Variants in DAAM2 observed in about 807,000 individuals in gnomAD.
The protein encoded by DAAM2 is disheveled-associated activator of morphogenesis 2.
A neutral mutation model predicts 120.7 loss-of-function variants in DAAM2; 39 were observed. That is an observed-to-expected ratio of 0.32 (90% confidence interval 0.25 to 0.42). The LOEUF (loss-of-function observed/expected upper bound fraction) is 0.42, where lower values mean the gene tolerates loss of function less well. DAAM2 is among the 10% of genes least tolerant of loss of function. The probability of loss-of-function intolerance (pLI) is 1.00; values close to 1 mark genes in which losing one functional copy is unlikely to be tolerated. For missense variants in DAAM2, 1,283 were observed against 1,401.7 expected, an observed-to-expected ratio of 0.92 and a Z score of 1.35; for synonymous variants, 488 against 524.9, an observed-to-expected ratio of 0.93 and a Z score of 0.96.
intron 1 of DAAM2, among the ~76,000 whole-genome samples, chr6:39,810,910 C>T (rs1456711455): frequency 3.3e-5 from 5 of 152,144 alleles, no homozygotes; most frequent in East Asian, 1.9e-4. Context: ...TTCTTTATTA[C>T]ACCCTAAGGG....
chr6:39,889,668 T>C (rs952816876), intron 17 of DAAM2, among the ~76,000 whole-genome samples: 2 of 152,314 alleles, frequency 1.3e-5, no homozygotes, highest in Non-Finnish European at 1.5e-5. Flanking sequence ...AATCCACATA[T>C]AACTTTTGAC....
intron 14 of DAAM2, chr6:39,879,956 G>A: frequency 4.4e-6 from 1 of 228,466 alleles, no homozygotes; most frequent in Non-Finnish European, 8.7e-6. Flanking sequence ...CTCATGTCTG[G>A]ACCAGCAGTG....
intron 5 of DAAM2, 81 bp downstream of exon 5, chr6:39,865,155 C>A: frequency 1.2e-6 from 1 of 828,768 alleles, no homozygotes. Context: ...CTGTGCAGTG[C>A]TCTGCTCCCA....
At position 39,876,726 on chromosome 6, in the gene DAAM2, TGTGC is replaced by T. The variant is rs1170074071; in HGVS notation, c.1301+1262_1301+1265del. 3.7e-3 allele frequency among the ~76,000 whole-genome samples: 557 copies of T among 149,042 alleles called. 3 individuals carry two copies. Among genetic ancestry groups the T allele is most frequent in the African/African-American group, 0.013 (531 of 40,356 alleles). On this transcript the variant is annotated intron_variant, in intron 11 of 24. Coordinates refer to ENST00000274867, the MANE Select transcript of DAAM2 (RefSeq NM_001201427.2). ...GGAAGGGTGTGTGTGTGTGTGTGTG[TGTGC>T]GTGTGTGTATGTGCATATGTGTGCA...
In DAAM2 at chr6:39,897,194, T is replaced by C; in HGVS notation, c.2530T>C (p.Tyr844His). The C allele has an allele frequency of 6.2e-7, 1 of 1,613,156 alleles. No homozygotes were observed. The highest frequency in any genetic ancestry group is 8.5e-7 in the Non-Finnish European group (1 of 1,179,180). Reference sequence around the variant, plus strand: ...CCACAGAAACATCTCTCTGCTCCATTACCTGATCATGATCCTGGAGAAGCA... The same window carrying C: ...CCACAGAAACATCTCTCTGCTCCATCACCTGATCATGATCCTGGAGAAGCA... ...SIDRNISLLHYLIMILEKHFP... is the reference protein window; with the variant it reads ...SIDRNISLLHHLIMILEKHFP... The change falls in exon 21 of 25, where the codon TAC becomes CAC. Residue 844 changes from tyrosine to histidine, a missense_variant. Tyr to His is a moderately conservative substitution (Grantham distance 83, BLOSUM62 2). Transcript: ENST00000274867.
chr6:39,853,539 C>T (rs1763890651), intron 1 of DAAM2, among the ~76,000 whole-genome samples: 1 of 152,186 alleles, frequency 6.6e-6, no homozygotes, highest in South Asian at 2.1e-4. Context: ...AGGTATGGCA[C>T]AGGCCCTGGC....
chr6:39,900,126 T>C lies in DAAM2; in HGVS notation c.2729T>C (p.Val910Ala). 1 of 1,601,792 alleles carries C rather than the reference T, an allele frequency of 6.2e-7. No homozygotes were observed. The highest frequency in any genetic ancestry group is 1.3e-5 in the African/African-American group (1 of 74,580). Reference sequence around the variant, plus strand: ...GTACGGGAGCCCAGTGACAAGTTTGTCCCTGTCATGAGCGACTTCATCACG... The same window carrying C: ...GTACGGGAGCCCAGTGACAAGTTTGCCCCTGTCATGAGCGACTTCATCACG... ...RQVREPSDKF[V>A]PVMSDFITVS... is the part of the protein sequence containing the mutation. Residue 910 changes from valine (V) to alanine (A), a missense_variant, in exon 23 of 25, where the codon GTC (valine) becomes GCC (alanine). Physicochemically the swap from Val to Ala is moderately conservative, Grantham distance 64. Transcript: ENST00000274867.
At position 39,902,028 on chromosome 6, in the gene DAAM2, A is replaced by G; in HGVS notation, c.3198A>G (p.Leu1066=). Reference sequence around the variant, plus strand: ...CCCGGGAGCGGGCAATAAACCGGCTAAATTATTGACCTGGGGAACTAGCCA... The same window carrying G: ...CCCGGGAGCGGGCAATAAACCGGCTGAATTATTGACCTGGGGAACTAGCCA... The part of the protein sequence containing the change: ...EVTRERAINR[L]NY Residue 1066 remains leucine, a synonymous_variant, in exon 25 of 25, where the codon CTA becomes CTG. Transcript: ENST00000274867. 1.2e-6 allele frequency: 2 copies of G among 1,605,070 alleles called. No individual in the cohort carries two copies. Among genetic ancestry groups the G allele is most frequent in the South Asian group, 2.2e-5 (2 of 90,028 alleles).
chr6:39,850,201 C>T (rs1763754600), intron 1 of DAAM2, among the ~76,000 whole-genome samples: 1 of 152,212 alleles, frequency 6.6e-6, no homozygotes, highest in Non-Finnish European at 1.5e-5. Context: ...TCTGGGCTCA[C>T]ACATGCTGTG....
intron 1 of DAAM2, among the ~76,000 whole-genome samples, chr6:39,803,963 G>C (rs889356600): frequency 6.6e-6 from 1 of 152,176 alleles, no homozygotes; most frequent in Non-Finnish European, 1.5e-5. Flanking sequence ...GGACACTGGA[G>C]GGAATAGTCA....
intron 19 of DAAM2, 63 bp downstream of exon 19, chr6:39,891,785 G>T: frequency 7.3e-7 from 1 of 1,377,358 alleles, no homozygotes; most frequent in South Asian, 1.3e-5. Flanking sequence ...AGGGTGGGTG[G>T]GAGCCAGTGA....
chr6:39,871,420 T>TG lies in DAAM2; in HGVS notation c.978-80dup, dbSNP rs377019325. On this transcript the variant is annotated intron_variant, in intron 8 of 24. Coordinates refer to ENST00000274867, the MANE Select transcript of DAAM2 (RefSeq NM_001201427.2). ...GAATGAAGCTTTCAGATTTAGCCAG[T>TG]GGGGGGCTCGAAGGGGCTGTAACCC... The TG allele has an allele frequency of 1.0e-4, 128 of 1,251,538 alleles. No homozygotes were observed. The African/African-American group carries it at 1.6e-3, about 16-fold the overall frequency. The allele number at this position is 1,251,538 out of a possible 1,614,324, so 77.5% of individuals were successfully genotyped here. A position where few individuals can be genotyped will look rare whatever the true frequency, so the allele number is the denominator to read the frequency against.
chr6:39,842,554 A>C (rs1429845290), intron 1 of DAAM2, among the ~76,000 whole-genome samples: 1 of 151,798 alleles, frequency 6.6e-6, no homozygotes, highest in African/African-American at 2.4e-5. Context: ...AATCGCTTGA[A>C]CCCGGGAGGC....
intron 1 of DAAM2, among the ~76,000 whole-genome samples, chr6:39,844,568 C>T (rs568177187): frequency 2.6e-5 from 4 of 152,246 alleles, no homozygotes; most frequent in South Asian, 4.1e-4. Flanking sequence ...ACTCAGTCTC[C>T]GGTCTATGGC....
chr6:39,879,298 C>A lies in DAAM2; in HGVS notation c.1666C>A (p.Pro556Thr). The change falls in exon 14 of 25, where the codon CCA (proline) becomes ACA (threonine). Residue 556 changes from proline (P) to threonine (T), a missense_variant. Around this residue, in one of 3 missense-constraint regions of DAAM2, gnomAD observed 748 missense variants for 768.6 expected, o/e 0.97. Coordinates refer to ENST00000274867, the MANE Select transcript of DAAM2 (RefSeq NM_001201427.2). ...PLPFACCPPP[P>T]PPPLPPGGPP... ...GCCCTTTGCCTGTTGTCCCCCTCCC[C>A]CACCACCACCCCTTCCTCCCGGGGG... 2 of 1,491,680 alleles carry A rather than the reference C, an allele frequency of 1.3e-6. No individual in the cohort carries two copies. Among genetic ancestry groups the A allele is most frequent in the East Asian group, 2.4e-5 (1 of 42,452 alleles). 92.4% of individuals were successfully genotyped at this position (1,491,680 alleles called of 1,614,324 possible). A position where few individuals can be genotyped will look rare whatever the true frequency, so the allele number is the denominator to read the frequency against.
chr6:39,868,540 G>A (rs573955254), intron 6 of DAAM2: 24 of 409,168 alleles, frequency 5.9e-5, no homozygotes, highest in Admixed American at 4.3e-4. Flanking sequence ...GCTGGAGCAC[G>A]ATGATAAAGC....
chr6:39,796,777 T>C (rs894838511), intron 1 of DAAM2, among the ~76,000 whole-genome samples: 1 of 152,064 alleles, frequency 6.6e-6, no homozygotes, highest in Non-Finnish European at 1.5e-5. Context: ...ATTTGAGTTC[T>C]GGCACCACCA....
intron 3 of DAAM2, chr6:39,862,457 T>C (rs1018029263): frequency 6.6e-5 from 10 of 152,148 alleles, no homozygotes; most frequent in African/African-American, 2.4e-4. Flanking sequence ...TGATTTACTA[T>C]GGAGTTCCCT....
chr6:39,825,507 G>T (rs1267943691), intron 1 of DAAM2, among the ~76,000 whole-genome samples: 1 of 151,926 alleles, frequency 6.6e-6, no homozygotes, highest in African/African-American at 2.4e-5. Context: ...AAGTAGCCCA[G>T]CTCTGCCAGT....
Sources: gnomAD v4.1 joint callset for allele counts (sites outside exome capture counted in the v4.1 genomes callset) on GRCh38, gnomAD v4.1.1 for gene constraint, gnomAD v4.1.1 regional missense constraint, MANE v1.5 for transcripts, NCBI Gene and HGNC (gene_info 2026-07-23, HGNC 2026-07-21) for gene names.